FOXK2: variants seen among roughly 807,000 people sequenced by gnomAD.
FOXK2 encodes the protein forkhead box K2.
Under a neutral mutation model 53.3 loss-of-function variants are expected in FOXK2, and 24 were observed. The ratio of observed to expected loss-of-function variants is 0.45; its 90% CI spans 0.33 to 0.63. FOXK2 has a LOEUF of 0.63. Among genes scored for constraint, FOXK2 ranks in the 30% least tolerant of loss-of-function variants. FOXK2 has a pLI of 0.03. For missense variants in FOXK2, 952 were observed against 910.5 expected (o/e 1.05, Z -0.59); for synonymous variants, 505 against 407.1 (o/e 1.24, Z -2.89).
At chr17:82,528,320 G>T (rs1318945683) in intron 1 of FOXK2, among the ~76,000 whole-genome samples, 3 of 152,150 alleles carry the variant, frequency 2.0e-5, no homozygotes, top group Non-Finnish European at 4.4e-5. Context: ...TGAAGAGAAA[G>T]ATTTTTTTGG....
At chr17:82,546,445 C>T (rs1297352672) in intron 1 of FOXK2, among the ~76,000 whole-genome samples, 4 of 151,988 alleles carry the variant, frequency 2.6e-5, no homozygotes, top group African/African-American at 9.7e-5. Flanking sequence ...TACTTTCCTG[C>T]ACATTAACAA....
chr17:82,595,895 G>A (rs2045304935), intron 8 of FOXK2: 1 of 1,281,962 alleles, frequency 7.8e-7, no homozygotes, highest in African/African-American at 1.5e-5. Context: ...CAAGAGCAAA[G>A]CCTTTTCCGG....
In FOXK2 at chr17:82,520,200, G is replaced by T. The variant is rs572878404; in HGVS notation, c.312G>T (p.Arg104Ser). Residue 104 changes from arginine (R) to serine (S), a missense_variant, in exon 1 of 9, where the codon AGG becomes AGT. Coordinates refer to ENST00000335255, the MANE Select transcript of FOXK2 (RefSeq NM_004514.4). ...AAPELPPAQP[R>S]PDAGGDFYLR... ...CGGAGCTGCCGCCCGCGCAGCCCAG[G>T]CCCGACGCCGGCGGCGACTTCTACC... The T allele has an allele frequency of 9.0e-6, 12 of 1,337,020 alleles. No individual in the cohort carries two copies. The highest frequency in any genetic ancestry group is 8.2e-5 in the Admixed American group (2 of 24,328). 82.8% of individuals were successfully genotyped at this position (1,337,020 alleles called of 1,614,324 possible). A position where few individuals can be genotyped will look rare whatever the true frequency, so the allele number is the denominator to read the frequency against.
chr17:82,585,795 C>T (rs2045131042), intron 6 of FOXK2, 109 bp from the exon 7 acceptor site: 3 of 1,095,324 alleles, frequency 2.7e-6, no homozygotes, highest in South Asian at 1.5e-5. Context: ...GGGCCATATC[C>T]TATATTTTAA....
intron 1 of FOXK2, chr17:82,559,607 G>A (rs944007314): frequency 2.9e-5 from 12 of 409,558 alleles, no homozygotes; most frequent in South Asian, 1.1e-4. Context: ...CTGGAACCTC[G>A]TGCCAGGCTG....
intron 1 of FOXK2, among the ~76,000 whole-genome samples, chr17:82,547,866 T>C (rs1431392332): frequency 4.6e-5 from 7 of 152,160 alleles, no homozygotes; most frequent in Admixed American, 3.3e-4. Context: ...TTCATAAACA[T>C]GGAATCATGT....
At chr17:82,538,366 T>C (rs1023929250) in intron 1 of FOXK2, among the ~76,000 whole-genome samples, 2 of 152,206 alleles carry the variant, frequency 1.3e-5, no homozygotes, top group Non-Finnish European at 2.9e-5. Flanking sequence ...ATTCCTCCAG[T>C]CCTGGACACT....
At chr17:82,567,884 A>T (rs1261125180) in intron 2 of FOXK2, among the ~76,000 whole-genome samples, 170 bp from the exon 3 acceptor site, 4 of 150,028 alleles carry the variant, frequency 2.7e-5, no homozygotes, top group East Asian at 3.9e-4. Flanking sequence ...CAGATCATTT[A>T]TAAGAATCTG....
At position 82,604,597 on chromosome 17, in the gene FOXK2, T is replaced by C. The variant is rs1203223767; in HGVS notation, c.*3098T>C. ...AAATTCAATAAAATATTTTTATTAATTTTAATGGAATGCAGAGTATCATTT... is the reference window on the plus strand; with the variant it reads ...AAATTCAATAAAATATTTTTATTAACTTTAATGGAATGCAGAGTATCATTT... On this transcript the variant is annotated 3_prime_UTR_variant, in exon 9 of 9. Transcript: ENST00000335255. 2 of 152,534 alleles carry C rather than the reference T, an allele frequency of 1.3e-5. No individual in the cohort carries two copies. The highest frequency in any genetic ancestry group is 2.4e-5 in the African/African-American group (1 of 41,454). The allele number at this position is 152,534 out of a possible 1,614,324, so 9.4% of individuals were successfully genotyped here. A position where few individuals can be genotyped will look rare whatever the true frequency, so the allele number is the denominator to read the frequency against.
intron 2 of FOXK2, among the ~76,000 whole-genome samples, chr17:82,563,880 T>C (rs914387632): frequency 2.0e-5 from 3 of 148,120 alleles, no homozygotes; most frequent in Non-Finnish European, 3.0e-5. Context: ...GCCTCCTGAG[T>C]AGCTAGGACT....
rs368485701 is a variant in FOXK2, at chr17:82,586,551, A to AG, written c.1576+355dup. On this transcript the variant is annotated intron_variant, in intron 7 of 8. Coordinates refer to ENST00000335255, the MANE Select transcript of FOXK2 (RefSeq NM_004514.4). ...CCACAGGGAGGTCAAAGGTAGGCGG[A>AG]GGGGAAAGGAGGAGAGGCTGCCCCA... 1.1e-4 allele frequency among the ~76,000 whole-genome samples: 6 copies of AG among 55,800 alleles called. 2 individuals are homozygous for AG. The highest frequency in any genetic ancestry group is 6.2e-4 in the African/African-American group (4 of 6,490). The allele number at this position is 55,800 out of a possible 152,430, so 36.6% of individuals were successfully genotyped here.
intron 2 of FOXK2, among the ~76,000 whole-genome samples, chr17:82,564,254 A>AT (rs1403056287): frequency 1.3e-5 from 2 of 151,320 alleles, no homozygotes; most frequent in African/African-American, 4.9e-5. Context: ...TACCCGGCTA[A>AT]TTTTTTGTAT....
At chr17:82,596,125 C>G in intron 8 of FOXK2, 1 of 732,696 alleles carries the variant, frequency 1.4e-6, no homozygotes, top group Non-Finnish European at 1.7e-6. Flanking sequence ...CCACAGACTG[C>G]GACCGCGATT....
rs1189630393 is a variant in FOXK2 at position 82,568,113 on chromosome 17, G to A, written c.674G>A (p.Gly225Asp). The A allele has an allele frequency of 2.5e-6, 4 of 1,613,868 alleles. No individual in the cohort carries two copies. Among genetic ancestry groups the A allele is most frequent in the Admixed American group, 3.3e-5 (2 of 59,992 alleles). The stretch of plus-strand genomic sequence containing the variant: ...GCGGGGTCTTCAGGGTACAAGGTGG[G>A]CCGAGTGATGCCATCTGACCTCAAT... ...RGAGSSGYKV[G>D]RVMPSDLNLM... Residue 225 changes from glycine to aspartate, a missense_variant, in exon 3 of 9, where the codon GGC (glycine) becomes GAC (aspartate). By Grantham distance (94) the Gly-to-Asp change is moderately conservative. Transcript: ENST00000335255.
chr17:82,527,387 G>T (rs988045921), intron 1 of FOXK2, among the ~76,000 whole-genome samples: 1 of 152,124 alleles, frequency 6.6e-6, no homozygotes, highest in Non-Finnish European at 1.5e-5. Context: ...CCAGCACTTT[G>T]GGAAGCCGAG....
chr17:82,520,979 A>G (rs1324203489), intron 1 of FOXK2, among the ~76,000 whole-genome samples: 2 of 152,218 alleles, frequency 1.3e-5, no homozygotes, highest in African/African-American at 4.8e-5. Flanking sequence ...AAGGTCATGT[A>G]GAGTGTTAAG....
At chr17:82,550,870 A>G (rs2044670348) in intron 1 of FOXK2, among the ~76,000 whole-genome samples, 1 of 152,234 alleles carries the variant, frequency 6.6e-6, no homozygotes. Context: ...TGTATGGAAA[A>G]GTTCTGTGTC....
chr17:82,555,728 C>CA (rs369431923), intron 1 of FOXK2, among the ~76,000 whole-genome samples: 44,329 of 124,422 alleles, frequency 0.36, 7,979 homozygotes, highest in Non-Finnish European at 0.45. Flanking sequence ...ACTAAAAATA[C>CA]AAAAAAAAAA....
chr17:82,597,602 G>A (rs1045786130), intron 8 of FOXK2, among the ~76,000 whole-genome samples: 2 of 152,174 alleles, frequency 1.3e-5, no homozygotes, highest in African/African-American at 2.4e-5. Flanking sequence ...CAGAGGCTCT[G>A]TGAGGGCAGG....
Sources: allele counts gnomAD v4.1 joint callset (sites outside exome capture counted in the v4.1 genomes callset), GRCh38; gene constraint gnomAD v4.1.1; transcripts MANE v1.5; gene names NCBI Gene and HGNC (gene_info 2026-07-23, HGNC 2026-07-21).